The following DNM2 variants were observed in gnomAD, a reference collection of about 807,000 sequenced individuals.
DNM2 encodes the protein dynamin 2, also known as dynamin-2.
DNM2 carries 15 observed loss-of-function variants against 99.0 expected under a neutral mutation model. The ratio of observed to expected loss-of-function variants is 0.15; its 90% CI spans 0.10 to 0.23. The LOEUF is 0.23. Among genes scored for constraint, DNM2 ranks in the 10% least tolerant of loss-of-function variants. The probability of loss-of-function intolerance (pLI) is 1.00; values close to 1 mark genes in which losing one functional copy is unlikely to be tolerated. For synonymous variants in DNM2, 525 were observed against 481.2 expected (o/e 1.09, Z -1.19); for missense variants, 742 against 1,189.4 (o/e 0.62, Z 5.53).
intron 11 of DNM2, 122 bp downstream of exon 11, chr19:10,798,694 A>G: frequency 9.8e-7 from 1 of 1,018,446 alleles, no homozygotes; most frequent in Non-Finnish European, 1.5e-6. Context: ...CAAGATACAG[A>G]GCGGTTCCGT....
chr19:10,817,289 G>T lies in DNM2; in HGVS notation c.1672-2691G>T. The T allele has an allele frequency of 2.6e-6, 1 of 381,388 alleles. No individual in the cohort carries two copies. The allele number at this position is 381,388 out of a possible 1,614,324, so 23.6% of individuals were successfully genotyped here. ...TCGGGGCTCCCTCTGCCTTTCCCCAGTGCCTCTTCTCCCACCCAGGCCCTC... is the reference window on the plus strand; with the variant it reads ...TCGGGGCTCCCTCTGCCTTTCCCCATTGCCTCTTCTCCCACCCAGGCCCTC... On this transcript the variant is annotated intron_variant, in intron 15 of 20. Coordinates refer to ENST00000389253, the MANE Select transcript of DNM2 (RefSeq NM_001005361.3). This position sits in a 1 kb window ranked among gnomAD's most constrained non-coding sequence, Gnocchi z 4.6.
intron 10 of DNM2, 53 bp downstream of exon 10, chr19:10,797,571 T>A: frequency 6.2e-7 from 1 of 1,611,970 alleles, no homozygotes; most frequent in Non-Finnish European, 8.5e-7. Flanking sequence ...CCCCTCCATG[T>A]GTTAGTCTCA....
intron 15 of DNM2, among the ~76,000 whole-genome samples, chr19:10,813,110 T>G (rs541719376): frequency 6.6e-6 from 1 of 152,336 alleles, no homozygotes; most frequent in African/African-American, 2.4e-5. Context: ...TTTTTCTATC[T>G]GCGAAGTGGT....
At chr19:10,821,519 A>G (rs889282437) in intron 16 of DNM2, among the ~76,000 whole-genome samples, 1 of 151,882 alleles carries the variant, frequency 6.6e-6, no homozygotes, top group Non-Finnish European at 1.5e-5. Context: ...GCGGTGGGAC[A>G]GGCCTGCCAT....
At chr19:10,735,228 C>T (rs368766465) in intron 1 of DNM2, among the ~76,000 whole-genome samples, 76 of 151,518 alleles carry the variant, frequency 5.0e-4, no homozygotes, top group Middle Eastern at 3.5e-3. Flanking sequence ...TTTTTTTAGA[C>T]GGGGTTTCAC....
chr19:10,794,557 C>A (rs1370243040), intron 8 of DNM2, among the ~76,000 whole-genome samples: 2 of 152,074 alleles, frequency 1.3e-5, no homozygotes, highest in Non-Finnish European at 2.9e-5. Context: ...GCCTGGGCAA[C>A]ATGGTGAAAC....
Position 10,816,904 on chromosome 19 carries a change from G to A in DNM2, c.1672-3076G>A, listed in dbSNP as rs958819489. 2.0e-5 allele frequency among the ~76,000 whole-genome samples: 3 copies of A among 152,162 alleles called. No homozygotes were observed. Among genetic ancestry groups the A allele is most frequent in the South Asian group, 2.1e-4 (1 of 4,830 alleles). On this transcript the variant is annotated intron_variant, in intron 15 of 20. Transcript: ENST00000389253. The surrounding 1 kb of genome is among the most constrained non-coding windows in gnomAD (Gnocchi z 4.6). ...GAAAGCCAGAGCCCCCGACCCTCCC[G>A]TGGAGCCCCACACTGGAGTCTGGAG...
chr19:10,739,355 C>A (rs928394456), intron 1 of DNM2, among the ~76,000 whole-genome samples: 2 of 152,092 alleles, frequency 1.3e-5, no homozygotes, highest in African/African-American at 4.8e-5. Context: ...AGTTGTGTAA[C>A]CAGCACCACT....
chr19:10,748,409 G>C (rs1311170664), intron 1 of DNM2, among the ~76,000 whole-genome samples: 1 of 152,154 alleles, frequency 6.6e-6, no homozygotes, highest in Non-Finnish European at 1.5e-5. Flanking sequence ...GCCTCGTGAG[G>C]GGTTTCTCCC....
Position 10,829,051 on chromosome 19 carries a change from C to T in DNM2, c.2074C>T (p.His692Tyr), listed in dbSNP as rs752473055. ...CTGCCCGCAGACGAAGGCCTTCATC[C>T]ACCACGAGCTGCTGGCCTACCTATA... ...LMINNTKAFI[H>Y]HELLAYLYSS... is the part of the protein sequence containing the mutation. Residue 692 changes from histidine to tyrosine, a missense_variant, in exon 19 of 21, where the codon CAC becomes TAC. Physicochemically the swap from His to Tyr is moderately conservative, Grantham distance 83. Coordinates refer to ENST00000389253, the MANE Select transcript of DNM2 (RefSeq NM_001005361.3). The T allele has an allele frequency of 1.2e-5, 19 of 1,613,116 alleles. No individual in the cohort carries two copies. The Admixed American group carries it at 1.7e-4, about 14-fold the overall frequency.
rs771070026 is a variant in DNM2 at position 10,811,590 on chromosome 19, G to A, written c.1558-674G>A. 1.9e-5 allele frequency: 8 copies of A among 417,178 alleles called. No individual in the cohort carries two copies. Among genetic ancestry groups the A allele is most frequent in the Non-Finnish European group, 3.9e-5 (8 of 205,726 alleles). 25.8% of individuals were successfully genotyped at this position (417,178 alleles called of 1,614,324 possible). On this transcript the variant is annotated intron_variant, in intron 14 of 20. Coordinates refer to ENST00000389253, the MANE Select transcript of DNM2 (RefSeq NM_001005361.3). The surrounding 1 kb of genome is among the most constrained non-coding windows in gnomAD (Gnocchi z 5.4). ...AGGGCCCTCGTCCTGAGTGGGGTGG[G>A]GGGCTCTGCCCACACATGCCTCCAG...
chr19:10,787,333 T>C (rs1247886146), intron 7 of DNM2, among the ~76,000 whole-genome samples: 2 of 149,120 alleles, frequency 1.3e-5, no homozygotes, highest in Non-Finnish European at 1.5e-5. Context: ...TAGCCAGGCG[T>C]GGTGGTGGGC....
chr19:10,774,613 A>G (rs1006392492), intron 3 of DNM2, among the ~76,000 whole-genome samples: 5 of 151,748 alleles, frequency 3.3e-5, no homozygotes, highest in African/African-American at 1.2e-4. Flanking sequence ...TTTAGTAGAG[A>G]CGGGGTTTGT....
chr19:10,782,182 G>A (rs2071399252), intron 5 of DNM2, among the ~76,000 whole-genome samples: 1 of 151,950 alleles, frequency 6.6e-6, no homozygotes, highest in South Asian at 2.1e-4. Flanking sequence ...ATACACGTGT[G>A]CTACCACGCC....
chr19:10,758,263 T>TTCCCTCCCTCCTTCCTTCCC (rs1291585998), intron 1 of DNM2, among the ~76,000 whole-genome samples: 1 of 141,732 alleles, frequency 7.1e-6, no homozygotes, highest in African/African-American at 2.6e-5. Flanking sequence ...CCCTCCTTCC[T>TTCCCTCCCTCCTTCCTTCCC]TCCCTCCTTC....
At position 10,765,360 on chromosome 19, in the gene DNM2, C is replaced by T. The variant is rs1470964541; in HGVS notation, c.235+5549C>T. On this transcript the variant is annotated intron_variant, in intron 2 of 20. Transcript: ENST00000389253. The surrounding 1 kb of genome is among the most constrained non-coding windows in gnomAD (Gnocchi z 4.4). ...TGGCGCCGAGCAGGTGCTCCGCATG[C>T]ACGGCCGAGTGAACGAGCTCAAAGG... 6.6e-6 allele frequency among the ~76,000 whole-genome samples: 1 copy of T among 152,280 alleles called. No homozygotes were observed. Among genetic ancestry groups the T allele is most frequent in the Non-Finnish European group, 1.5e-5 (1 of 68,052 alleles).
rs1555700264 is a variant in DNM2 at position 10,746,737 on chromosome 19, T to TTG, written c.162-13000_162-12999insGT. The stretch of plus-strand genomic sequence containing the variant: ...GCCGGCTTTTTTTTTGTTTTTTGTT[T>TTG]TTTTTTTTTTTGAGACAGTCTCACT... On this transcript the variant is annotated intron_variant, in intron 1 of 20. Transcript: ENST00000389253. Among the ~76,000 whole-genome samples the TTG allele has an allele frequency of 9.0e-4, 125 of 138,346 alleles. 5 individuals are homozygous for TTG. Among genetic ancestry groups the TTG allele is most frequent in the African/African-American group, 3.5e-3 (124 of 35,812 alleles). The allele number at this position is 138,346 out of a possible 152,430, so 90.8% of individuals were successfully genotyped here. A position where few individuals can be genotyped will look rare whatever the true frequency, so the allele number is the denominator to read the frequency against.
chr19:10,743,490 AC>A (rs1290835565), intron 1 of DNM2, among the ~76,000 whole-genome samples: 1 of 151,026 alleles, frequency 6.6e-6, no homozygotes, highest in Non-Finnish European at 1.5e-5. Flanking sequence ...GCCTTGCAAA[AC>A]CCCGTCTCTA....
chr19:10,831,865 C>T lies in DNM2; in HGVS notation c.*818C>T, dbSNP rs1029531956. On this transcript the variant is annotated 3_prime_UTR_variant, in exon 21 of 21. Coordinates refer to ENST00000389253, the MANE Select transcript of DNM2 (RefSeq NM_001005361.3). This position sits in a 1 kb window ranked among gnomAD's most constrained non-coding sequence, Gnocchi z 4.3. ...ACTGTAAGTGCCTGCACTCTGTATT[C>T]TATTAATAAACTAAAATAAAGGGAA... 2.0e-6 allele frequency: 2 copies of T among 1,021,310 alleles called. No individual in the cohort carries two copies. The highest frequency in any genetic ancestry group is 1.7e-5 in the African/African-American group (1 of 58,090). 63.3% of individuals were successfully genotyped at this position (1,021,310 alleles called of 1,614,324 possible).
Sources: gnomAD v4.1 joint callset for allele counts (sites outside exome capture counted in the v4.1 genomes callset) on GRCh38, gnomAD v4.1.1 for gene constraint, Gnocchi (gnomAD v3.1) non-coding constraint, MANE v1.5 for transcripts, NCBI Gene and HGNC (gene_info 2026-07-23, HGNC 2026-07-21) for gene names.